Variants in TMEM132D observed in about 807,000 individuals in gnomAD.
TMEM132D encodes mature OL transmembrane protein.
TMEM132D carries 21 observed loss-of-function variants against 62.3 expected under a neutral mutation model. The ratio of observed to expected loss-of-function variants is 0.34; its 90% CI spans 0.24 to 0.49. The LOEUF is 0.49. TMEM132D is among the 20% of genes least tolerant of loss of function. The pLI is 0.99. For synonymous variants in TMEM132D, 621 were observed against 575.6 expected, an observed-to-expected ratio of 1.08 and a Z score of -1.13; for missense variants, 1,346 against 1,402.8, an observed-to-expected ratio of 0.96 and a Z score of 0.65.
At chr12:129,420,319 T>G (rs1239584328) in intron 3 of TMEM132D, among the ~76,000 whole-genome samples, 4 of 147,188 alleles carry the variant, frequency 2.7e-5, no homozygotes, top group African/African-American at 1.0e-4. Context: ...TTTTTTTTTT[T>G]TTTTTTTTTT....
chr12:129,247,375 C>A (rs1318553384), intron 4 of TMEM132D, among the ~76,000 whole-genome samples: 1 of 152,176 alleles, frequency 6.6e-6, no homozygotes, highest in Admixed American at 6.5e-5. Context: ...AAACGCCCAA[C>A]TTGTCCCTCT....
intron 3 of TMEM132D, among the ~76,000 whole-genome samples, chr12:129,447,340 T>A (rs1336230134): frequency 6.6e-6 from 1 of 152,260 alleles, no homozygotes; most frequent in Admixed American, 6.5e-5. Flanking sequence ...TTGCTTTCTT[T>A]ACTAATACAT....
At chr12:129,372,941 G>A (rs1015971640) in intron 3 of TMEM132D, among the ~76,000 whole-genome samples, 1 of 152,136 alleles carries the variant, frequency 6.6e-6, no homozygotes, top group African/African-American at 2.4e-5. Flanking sequence ...CCACGAAACT[G>A]GTTCCTGGTG....
chr12:129,880,226 G>A (rs929914420), intron 1 of TMEM132D, among the ~76,000 whole-genome samples: 1 of 152,102 alleles, frequency 6.6e-6, no homozygotes, highest in Admixed American at 6.5e-5. Context: ...TTAAAGTACT[G>A]AAAGGAAAAT....
intron 5 of TMEM132D, among the ~76,000 whole-genome samples, chr12:129,159,584 C>T (rs1877339281): frequency 1.3e-5 from 2 of 151,948 alleles, no homozygotes; most frequent in South Asian, 2.1e-4. Flanking sequence ...GGGCAAAACC[C>T]TGTCTCTACT....
At chr12:129,098,632 T>C (rs1875190541) in intron 5 of TMEM132D, among the ~76,000 whole-genome samples, 1 of 151,988 alleles carries the variant, frequency 6.6e-6, no homozygotes, top group South Asian at 2.1e-4. Flanking sequence ...CTCTGGGAGG[T>C]GAACGTATGT....
chr12:129,297,592 G>A (rs997151105), intron 4 of TMEM132D, among the ~76,000 whole-genome samples: 1 of 152,114 alleles, frequency 6.6e-6, no homozygotes, highest in Non-Finnish European at 1.5e-5. Context: ...CCAGTTTAAG[G>A]TGCTCGGGAG....
At chr12:129,558,187 C>T (rs1877115938) in intron 2 of TMEM132D, among the ~76,000 whole-genome samples, 1 of 152,140 alleles carries the variant, frequency 6.6e-6, no homozygotes, top group Non-Finnish European at 1.5e-5. Context: ...ACGGATGTTG[C>T]CCTCACTACA....
intron 5 of TMEM132D, among the ~76,000 whole-genome samples, chr12:129,129,311 G>A (rs1876302452): frequency 6.6e-6 from 1 of 152,130 alleles, no homozygotes; most frequent in Non-Finnish European, 1.5e-5. Flanking sequence ...TTGCTGCAAA[G>A]GACATGATGA....
At chr12:129,136,226 C>A (rs1355051115) in intron 5 of TMEM132D, among the ~76,000 whole-genome samples, 1 of 152,152 alleles carries the variant, frequency 6.6e-6, no homozygotes, top group Non-Finnish European at 1.5e-5. Context: ...TACTCAGCTC[C>A]ACCCAAATTG....
At chr12:129,826,423 A>G (rs551428005) in intron 1 of TMEM132D, among the ~76,000 whole-genome samples, 1 of 152,338 alleles carries the variant, frequency 6.6e-6, no homozygotes, top group South Asian at 2.1e-4. Context: ...CCCACACTGC[A>G]AATGACAAGT....
chr12:129,399,892 TG>T (rs1871567427), intron 3 of TMEM132D, among the ~76,000 whole-genome samples: 1 of 151,460 alleles, frequency 6.6e-6, no homozygotes, highest in African/African-American at 2.4e-5. Context: ...TGTGTGTGTG[TG>T]TGGGGGGGTA....
At chr12:129,589,874 T>C (rs1005288532) in intron 2 of TMEM132D, among the ~76,000 whole-genome samples, 6 of 152,236 alleles carry the variant, frequency 3.9e-5, no homozygotes, top group African/African-American at 1.4e-4. Flanking sequence ...TTTCATCTCC[T>C]GGATTGTTCC....
chr12:129,349,774 C>T (rs1195011554), intron 3 of TMEM132D, among the ~76,000 whole-genome samples: 3 of 152,134 alleles, frequency 2.0e-5, no homozygotes, highest in South Asian at 4.1e-4. Context: ...TTTTCCTATC[C>T]GGTCTGAAAA....
At chr12:129,596,500 A>G (rs556056013) in intron 2 of TMEM132D, among the ~76,000 whole-genome samples, 10 of 151,926 alleles carry the variant, frequency 6.6e-5, no homozygotes, top group Non-Finnish European at 1.5e-4. Flanking sequence ...GCAGATACCA[A>G]AATCTGTGGA....
intron 2 of TMEM132D, among the ~76,000 whole-genome samples, chr12:129,631,367 T>C (rs1171368279): frequency 1.3e-5 from 2 of 152,160 alleles, no homozygotes; most frequent in Admixed American, 6.5e-5. Context: ...AAATGCAACC[T>C]GCAGTCGTAA....
At chr12:129,106,255 T>C (rs1272792045) in intron 5 of TMEM132D, among the ~76,000 whole-genome samples, 2 of 125,218 alleles carry the variant, frequency 1.6e-5, no homozygotes, top group South Asian at 2.5e-4. Flanking sequence ...CATCACACTC[T>C]GGGGCCTGTT....
At chr12:129,836,515 T>C (rs10847958) in intron 1 of TMEM132D, among the ~76,000 whole-genome samples, 60,191 of 150,952 alleles carry the variant, frequency 0.4, 12,521 homozygotes, top group Non-Finnish European at 0.47. Flanking sequence ...TGTGTGTGTG[T>C]GCGCGCGTGT....
chr12:129,095,929 A>G (rs1265862463), intron 5 of TMEM132D, among the ~76,000 whole-genome samples: 1 of 152,150 alleles, frequency 6.6e-6, no homozygotes, highest in Non-Finnish European at 1.5e-5. Flanking sequence ...ACAGTCAGCC[A>G]TTCAGTCCCT....
Sources: gnomAD v4.1 joint callset for allele counts (sites outside exome capture counted in the v4.1 genomes callset) on GRCh38, gnomAD v4.1.1 for gene constraint, MANE v1.5 for transcripts, NCBI Gene and HGNC (gene_info 2026-07-23, HGNC 2026-07-21) for gene names.